The following UTRN variants were observed in gnomAD, a reference collection of about 807,000 sequenced individuals.
UTRN encodes the protein utrophin.
In UTRN, 283 loss-of-function variants were observed where a neutral mutation model predicts 463.9. The observed-to-expected ratio is 0.61, with a 90% confidence interval of 0.55 to 0.67. The LOEUF is 0.67. Among genes scored for constraint, UTRN ranks in the 30% least tolerant of loss-of-function variants. The pLI, the probability that UTRN is intolerant of heterozygous loss-of-function variation, is 0.00. For missense variants in UTRN, 3,922 were observed against 4,084.3 expected (o/e 0.96, Z 1.08); for synonymous variants, 1,442 against 1,431.5 (o/e 1.01, Z -0.17).
intron 2 of UTRN, among the ~76,000 whole-genome samples, chr6:144,331,873 G>A (rs571419558): frequency 6.6e-6 from 1 of 152,324 alleles, no homozygotes; most frequent in East Asian, 1.9e-4. Context: ...AAGAATTCCA[G>A]GCTGAGGAGA....
At chr6:144,836,241 AT>A in intron 70 of UTRN, 59 bp from the exon 71 acceptor site, 1 of 1,607,586 alleles carries the variant, frequency 6.2e-7, no homozygotes, top group South Asian at 1.1e-5. Context: ...CTCACAGACG[AT>A]TTTGGAGAGA....
At chr6:144,602,770 G>A (rs909874889) in intron 51 of UTRN, among the ~76,000 whole-genome samples, 6 of 152,094 alleles carry the variant, frequency 3.9e-5, no homozygotes, top group Non-Finnish European at 5.9e-5. Context: ...GGCCCTGACT[G>A]GAAGCATTGT....
intron 68 of UTRN, among the ~76,000 whole-genome samples, chr6:144,828,384 A>T (rs9376861): frequency 0.051 from 7,784 of 152,070 alleles, 561 homozygotes; most frequent in African/African-American, 0.16. Context: ...ATAATGAAAA[A>T]CCCAGCCACT....
intron 65 of UTRN, among the ~76,000 whole-genome samples, chr6:144,813,989 G>A (rs1778857488): frequency 6.6e-6 from 1 of 152,186 alleles, no homozygotes; most frequent in Admixed American, 6.5e-5. Context: ...AGAAATGAAA[G>A]GAGAAGGCCT....
At chr6:144,570,293 A>G (rs962396249) in intron 50 of UTRN, among the ~76,000 whole-genome samples, 1 of 152,150 alleles carries the variant, frequency 6.6e-6, no homozygotes, top group African/African-American at 2.4e-5. Context: ...AGAGGTCTGG[A>G]TGCGACAGAG....
intron 61 of UTRN, among the ~76,000 whole-genome samples, chr6:144,788,625 C>G (rs1776493677): frequency 6.7e-6 from 1 of 149,444 alleles, no homozygotes; most frequent in African/African-American, 2.5e-5. Flanking sequence ...AGTGCAATGG[C>G]ACGATCTCGG....
Position 144,730,413 on chromosome 6 carries a change from G to T in UTRN, c.7866G>T (p.Gln2622His). The change falls in exon 54 of 75, where the codon CAG (glutamine) becomes CAT (histidine). Residue 2622 changes from glutamine to histidine, a missense_variant. Gln to His is a conservative substitution (Grantham distance 24). Around this residue, in one of 3 missense-constraint regions of UTRN, gnomAD observed 1,309 missense variants for 1,452.6 expected, o/e 0.90. Transcript: ENST00000367545. Reference protein sequence around the residue: ...KEYSVLNAVDQARVFLADQPI... With the variant: ...KEYSVLNAVDHARVFLADQPI... ...ATTCTGTCCTGAATGCTGTCGACCA[G>T]GCCCGAGTTTTCTTGGCTGATCAGC... 1.2e-6 allele frequency: 2 copies of T among 1,612,164 alleles called. No individual in the cohort carries two copies. The highest frequency in any genetic ancestry group is 1.7e-6 in the Non-Finnish European group (2 of 1,179,014).
chr6:144,525,703 AT>A (rs1024061275), intron 41 of UTRN, among the ~76,000 whole-genome samples: 4 of 137,132 alleles, frequency 2.9e-5, no homozygotes, highest in Non-Finnish European at 4.8e-5. Flanking sequence ...GATCTTGGTT[AT>A]TTTTTTTTCT....
chr6:144,350,280 A>T (rs546641887), intron 2 of UTRN, among the ~76,000 whole-genome samples: 1 of 152,234 alleles, frequency 6.6e-6, no homozygotes, highest in Non-Finnish European at 1.5e-5. Context: ...ATGTAATGCA[A>T]AATGAAAATT....
In UTRN at chr6:144,462,702, G is replaced by C. The variant is rs562737875; in HGVS notation, c.2902G>C (p.Ala968Pro). The change falls in exon 23 of 75, where the codon GCA (alanine) becomes CCA (proline). Residue 968 changes from alanine (A) to proline (P), a missense_variant. Coordinates refer to ENST00000367545, the MANE Select transcript of UTRN (RefSeq NM_007124.3). ...ENQKPALHKL[A>P]EETKALEKNV... ...TCAGAAACCTGCATTACATAAACTT[G>C]CAGAAGAAACAAAGGCTCTGGAGAA... 6.2e-7 allele frequency: 1 copy of C among 1,607,832 alleles called. No individual in the cohort carries two copies. Among genetic ancestry groups the C allele is most frequent in the African/African-American group, 1.3e-5 (1 of 74,476 alleles).
intron 13 of UTRN, among the ~76,000 whole-genome samples, chr6:144,441,976 C>T (rs145808202): frequency 1.4e-3 from 206 of 152,262 alleles, no homozygotes; most frequent in Admixed American, 2.4e-3. Flanking sequence ...TACCTAGCCA[C>T]AAGGCACGGG....
intron 71 of UTRN, among the ~76,000 whole-genome samples, chr6:144,838,516 G>A (rs56039647): frequency 0.052 from 7,907 of 152,218 alleles, 210 homozygotes; most frequent in Middle Eastern, 0.095. Flanking sequence ...CCATATATTT[G>A]TCAGCGTATC....
chr6:144,678,713 C>A, intron 52 of UTRN, 135 bp downstream of exon 52: 1 of 863,236 alleles, frequency 1.2e-6, no homozygotes, highest in Non-Finnish European at 1.7e-6. Context: ...GATTTTAATG[C>A]AAAGCCTGTT....
chr6:144,400,695 G>A (rs1782866168), intron 2 of UTRN, among the ~76,000 whole-genome samples: 1 of 152,076 alleles, frequency 6.6e-6, no homozygotes, highest in Admixed American at 6.6e-5. Context: ...ATTTTTAACT[G>A]TATCAAGAGA....
chr6:144,688,524 T>G (rs114684147), intron 52 of UTRN, among the ~76,000 whole-genome samples: 2,809 of 152,254 alleles, frequency 0.018, 80 homozygotes, highest in African/African-American at 0.064. Context: ...TTTAATTTAT[T>G]TTTTGTTCGA....
chr6:144,783,712 A>G (rs1053314908), intron 61 of UTRN, among the ~76,000 whole-genome samples: 2 of 152,176 alleles, frequency 1.3e-5, no homozygotes, highest in Admixed American at 1.3e-4. Flanking sequence ...CAATTAATGA[A>G]ACTTTCCCTG....
intron 51 of UTRN, among the ~76,000 whole-genome samples, chr6:144,641,911 G>A (rs368238422): frequency 2.0e-5 from 3 of 152,166 alleles, no homozygotes; most frequent in Non-Finnish European, 2.9e-5. Context: ...GGCAATGCAA[G>A]TGTTTACATG....
chr6:144,472,589 G>A (rs550680961), intron 23 of UTRN, among the ~76,000 whole-genome samples: 20 of 152,210 alleles, frequency 1.3e-4, no homozygotes, highest in Non-Finnish European at 2.8e-4. Flanking sequence ...TTTCCAGAGC[G>A]TGTTGATCAG....
At chr6:144,635,683 G>A (rs991740018) in intron 51 of UTRN, among the ~76,000 whole-genome samples, 4 of 151,138 alleles carry the variant, frequency 2.6e-5, no homozygotes, top group African/African-American at 7.3e-5. Flanking sequence ...GGGACTATAG[G>A]TGCATGCCAC....
Sources: gnomAD v4.1 joint callset for allele counts (sites outside exome capture counted in the v4.1 genomes callset) on GRCh38, gnomAD v4.1.1 for gene constraint, gnomAD v4.1.1 regional missense constraint, MANE v1.5 for transcripts, NCBI Gene and HGNC (gene_info 2026-07-23, HGNC 2026-07-21) for gene names.